DVL2: variants seen among roughly 807,000 people sequenced by gnomAD.
The protein encoded by DVL2 is dishevelled segment polarity protein 2.
In DVL2, 38 loss-of-function variants were observed where a neutral mutation model predicts 69.8. The observed-to-expected ratio is 0.54, with a 90% CI of 0.42 to 0.71. DVL2 has a LOEUF of 0.71. Ranked by LOEUF, DVL2 falls within the 30% of genes least tolerant of loss-of-function variation. The pLI is 0.00. For missense variants in DVL2, 931 were observed against 1,008.1 expected, an observed-to-expected ratio of 0.92 and a Z score of 1.04; for synonymous variants, 428 against 392.4, an observed-to-expected ratio of 1.09 and a Z score of -1.07.
At position 7,229,643 on chromosome 17, in the gene DVL2, C is replaced by T. The variant is rs374647852; in HGVS notation, c.692G>A (p.Arg231His). The change falls in exon 6 of 15, where the codon CGC becomes CAC. Residue 231 changes from arginine (R) to histidine (H), a missense_variant. Transcript: ENST00000005340. The surrounding 1 kb of genome is among the most constrained non-coding windows in gnomAD (Gnocchi z 4.4). ...SSSTEQSSAS[R>H]LLKRHRRRRK... ...TCGCCGCCGGTGGCGCTTAAGGAGG[C>T]GGGAGGCACTGCTCTGCTCCGTGGA... The T allele has an allele frequency of 1.0e-5, 16 of 1,551,692 alleles. No homozygotes were observed. Among genetic ancestry groups the T allele is most frequent in the African/African-American group, 8.2e-5 (6 of 72,846 alleles).
chr17:7,228,998 C>T lies in DVL2; in HGVS notation c.1005G>A (p.Arg335=), dbSNP rs778087243. 1.2e-5 allele frequency: 19 copies of T among 1,614,074 alleles called. No homozygotes were observed. The African/African-American group carries it at 1.6e-4, about 14-fold the overall frequency. Reference sequence around the variant, plus strand: ...GCTTGTGCACAATGTCCCTCAGCACCCGCACAGCGTCATCGTTGCTCATGT... The same window carrying T: ...GCTTGTGCACAATGTCCCTCAGCACTCGCACAGCGTCATCGTTGCTCATGT... ...FENMSNDDAV[R]VLRDIVHKPG... Residue 335 remains arginine (R), a synonymous_variant, in exon 9 of 15, where the codon CGG becomes CGA. Transcript: ENST00000005340.
chr17:7,226,736 C>T (rs145634625), intron 13 of DVL2, 97 bp from the exon 14 acceptor site: 2 of 979,818 alleles, frequency 2.0e-6, no homozygotes, highest in Non-Finnish European at 1.4e-6. Flanking sequence ...TCTCCCAGAC[C>T]CACCCACGAT....
In DVL2 at chr17:7,227,219, G is replaced by A. The variant is rs758763721; in HGVS notation, c.1414C>T (p.Arg472Trp). Reference sequence around the variant, plus strand: ...CTGGCATACTTGCGGGCCTCCCGCCGCTCAGGAAAGCCCTCCACGTGATGG... The same window carrying A: ...CTGGCATACTTGCGGGCCTCCCGCCACTCAGGAAAGCCCTCCACGTGATGG... ...LYHHVEGFPE[R>W]REARKYASGL... Residue 472 changes from arginine to tryptophan, a missense_variant, in exon 13 of 15, where the codon CGG becomes TGG. Physicochemically the swap from Arg to Trp is moderately radical, Grantham distance 101. Around this residue, in one of 3 missense-constraint regions of DVL2, gnomAD observed 62 missense variants for 105.7 expected, o/e 0.59. Coordinates refer to ENST00000005340, the MANE Select transcript of DVL2 (RefSeq NM_004422.3). 8 of 1,613,632 alleles carry A rather than the reference G, an allele frequency of 5.0e-6. No homozygotes were observed. The highest frequency in any genetic ancestry group is 1.1e-5 in the South Asian group (1 of 91,032).
chr17:7,230,602 A>G, intron 2 of DVL2, 126 bp downstream of exon 2: 3 of 1,320,358 alleles, frequency 2.3e-6, no homozygotes, highest in African/African-American at 3.0e-5. Context: ...CGGCTCTCCA[A>G]ACAGACAGGA....
chr17:7,234,489 C>A lies in DVL2; in HGVS notation c.-227G>T, dbSNP rs1423914613. On this transcript the variant is annotated 5_prime_UTR_variant, in exon 1 of 15. Coordinates refer to ENST00000005340, the MANE Select transcript of DVL2 (RefSeq NM_004422.3). ...CAGCGGCCGCCGCGCGCCACCGCCA[C>A]CGACGCCGCGAGCTTCCTCCAGGTA... 7 of 545,570 alleles carry A rather than the reference C, an allele frequency of 1.3e-5. No homozygotes were observed. Among genetic ancestry groups the A allele is most frequent in the Non-Finnish European group, 2.2e-5 (7 of 317,700 alleles). 33.8% of individuals were successfully genotyped at this position (545,570 alleles called of 1,614,324 possible).
At position 7,227,497 on chromosome 17, in the gene DVL2, C is replaced by T. The variant is rs1367810006; in HGVS notation, c.1270G>A (p.Ala424Thr). ...GRGLSVHTDMASVTKAMAAPE... is the reference protein window; with the variant it reads ...GRGLSVHTDMTSVTKAMAAPE... ...GCTGCCATGGCCTTGGTCACCGATG[C>T]CATGTCCGTATGGACGGAGAGACCC... The change falls in exon 12 of 15, where the codon GCA becomes ACA. Residue 424 changes from alanine (A) to threonine (T), a missense_variant. This residue lies in a region of DVL2 where 555 missense variants were observed against 588.8 expected (regional missense o/e 0.94). Coordinates refer to ENST00000005340, the MANE Select transcript of DVL2 (RefSeq NM_004422.3). The T allele has an allele frequency of 6.2e-7, 1 of 1,614,184 alleles. No homozygotes were observed. Among genetic ancestry groups the T allele is most frequent in the Non-Finnish European group, 8.5e-7 (1 of 1,180,036 alleles).
In DVL2 at chr17:7,229,388, C is replaced by T. The variant is rs780064157; in HGVS notation, c.807G>A (p.Thr269=). The part of the protein sequence containing the change: ...STMSLNIITV[T]LNMEKYNFLG... ...AGGCTCTCCCCATACCCATGTTTAG[C>T]GTGACTGTGATGATATTGAGAGACA... The change falls in exon 7 of 15, where the codon ACG becomes ACA. Residue 269 remains threonine, a synonymous_variant. Coordinates refer to ENST00000005340, the MANE Select transcript of DVL2 (RefSeq NM_004422.3). This position sits in a 1 kb window ranked among gnomAD's most constrained non-coding sequence, Gnocchi z 4.4. 1.2e-5 allele frequency: 19 copies of T among 1,613,754 alleles called. No homozygotes were observed. The highest frequency in any genetic ancestry group is 2.7e-5 in the African/African-American group (2 of 74,914).
intron 1 of DVL2, among the ~76,000 whole-genome samples, chr17:7,232,495 G>T (rs1488421012): frequency 6.6e-6 from 1 of 152,158 alleles, no homozygotes; most frequent in African/African-American, 2.4e-5. Context: ...TTTACAGAGT[G>T]GTCAGCCTCA....
Position 7,234,310 on chromosome 17 carries a change from A to G in DVL2, c.-48T>C. Reference sequence around the variant, plus strand: ...GCTCCACCGCCCACCCAAAGGGCTAATGGCCCCTGCCGCGCCTGCGCACAC... The same window carrying G: ...GCTCCACCGCCCACCCAAAGGGCTAGTGGCCCCTGCCGCGCCTGCGCACAC... On this transcript the variant is annotated 5_prime_UTR_variant, in exon 1 of 15. Coordinates refer to ENST00000005340, the MANE Select transcript of DVL2 (RefSeq NM_004422.3). The G allele has an allele frequency of 1.3e-6, 2 of 1,576,582 alleles. No homozygotes were observed. Among genetic ancestry groups the G allele is most frequent in the Non-Finnish European group, 1.7e-6 (2 of 1,161,030 alleles).
chr17:7,230,496 T>C, intron 2 of DVL2, 66 bp from the exon 3 acceptor site: 1 of 1,588,140 alleles, frequency 6.3e-7, no homozygotes, highest in Non-Finnish European at 8.6e-7. Context: ...TGGCAGTAAG[T>C]GAAAGAATGA....
At position 7,229,571 on chromosome 17, in the gene DVL2, C is replaced by T. The variant is rs1415067241; in HGVS notation, c.747+17G>A. The T allele has an allele frequency of 6.3e-7, 1 of 1,587,072 alleles. No individual in the cohort carries two copies. The highest frequency in any genetic ancestry group is 1.4e-5 in the African/African-American group (1 of 73,910). ...CCACCTTCTCCCAGCACCAGCCTTC[C>T]TGTAGGAACCCCTCACCCTCTCCAG... On this transcript the variant is annotated intron_variant, in intron 6 of 14. Coordinates refer to ENST00000005340, the MANE Select transcript of DVL2 (RefSeq NM_004422.3). This position sits in a 1 kb window ranked among gnomAD's most constrained non-coding sequence, Gnocchi z 4.4.
At chr17:7,232,716 A>G (rs1017777873) in intron 1 of DVL2, among the ~76,000 whole-genome samples, 1 of 152,220 alleles carries the variant, frequency 6.6e-6, no homozygotes, top group African/African-American at 2.4e-5. Flanking sequence ...CATGTCAAAC[A>G]ATCTTTCTAG....
At chr17:7,228,243 C>A (rs767085750) in intron 9 of DVL2, 199 bp from the exon 10 acceptor site, 10 of 525,980 alleles carry the variant, frequency 1.9e-5, no homozygotes, top group Non-Finnish European at 3.5e-5. Flanking sequence ...AAACATACTG[C>A]CAAGTGAGAC....
chr17:7,230,449 T>TA lies in DVL2; in HGVS notation c.265-20dup. 1 of 1,611,608 alleles carries TA rather than the reference T, an allele frequency of 6.2e-7. No homozygotes were observed. The highest frequency in any genetic ancestry group is 8.5e-7 in the Non-Finnish European group (1 of 1,178,124). ...ACACCAGCTAGAAGGGTGCAAATGA[T>TA]AAACAGTGGCTCACTTGGGAGTCAG... On this transcript the variant is annotated intron_variant, in intron 2 of 14. Transcript: ENST00000005340.
Position 7,233,931 on chromosome 17 carries a change from C to T in DVL2, c.194+138G>A, listed in dbSNP as rs116481794. 1,536 of 898,876 alleles carry T rather than the reference C, an allele frequency of 1.7e-3. 18 individuals carry two copies. The African/African-American group carries it at 0.023, about 13-fold the overall frequency. The allele number at this position is 898,876 out of a possible 1,614,324, so 55.7% of individuals were successfully genotyped here. On this transcript the variant is annotated intron_variant, in intron 1 of 14. Transcript: ENST00000005340. Reference sequence around the variant, plus strand: ...ACCTTGTCCATCCTGGGATAGTCAACCTACCTCAGCATAGTACAATCTGCT... The same window carrying T: ...ACCTTGTCCATCCTGGGATAGTCAATCTACCTCAGCATAGTACAATCTGCT...
chr17:7,228,925 A>G, intron 9 of DVL2, 44 bp downstream of exon 9: 2 of 1,593,508 alleles, frequency 1.3e-6, no homozygotes, highest in Non-Finnish European at 1.7e-6. Flanking sequence ...ATGAAAGAGA[A>G]AAAAAAAGAG....
At chr17:7,231,300 C>T (rs2071539131) in intron 1 of DVL2, among the ~76,000 whole-genome samples, 1 of 151,324 alleles carries the variant, frequency 6.6e-6, no homozygotes, top group Non-Finnish European at 1.5e-5. Flanking sequence ...CCCATCTCTA[C>T]TAAAATACAA....
In DVL2 at chr17:7,227,174, G is replaced by A. The variant is rs1007753471; in HGVS notation, c.1459C>T (p.Leu487=). 1.2e-6 allele frequency: 2 copies of A among 1,614,142 alleles called. No individual in the cohort carries two copies. Among genetic ancestry groups the A allele is most frequent in the Non-Finnish European group, 1.7e-6 (2 of 1,180,028 alleles). The part of the protein sequence containing the change: ...KYASGLLKAG[L]IRHTVNKITF... ...ATCTTGTTGACGGTGTGTCGGATCA[G>A]GCCTGCTTTGAGCAGCCCGCTGGCA... is the stretch of plus-strand genomic sequence containing the variant. The change falls in exon 13 of 15, where the codon CTG becomes TTG. Residue 487 remains leucine, a synonymous_variant. Transcript: ENST00000005340.
intron 10 of DVL2, 90 bp downstream of exon 10, chr17:7,227,887 C>T: frequency 6.4e-7 from 1 of 1,562,446 alleles, no homozygotes; most frequent in Non-Finnish European, 8.7e-7. Context: ...GGACCCTCCT[C>T]CCACCCATTC....
Sources: gnomAD v4.1 joint callset for allele counts (sites outside exome capture counted in the v4.1 genomes callset) on GRCh38, gnomAD v4.1.1 for gene constraint, gnomAD v4.1.1 regional missense constraint, Gnocchi (gnomAD v3.1) non-coding constraint, MANE v1.5 for transcripts, NCBI Gene and HGNC (gene_info 2026-07-23, HGNC 2026-07-21) for gene names.